Variants in SLC38A6 observed in about 807,000 individuals in gnomAD.
The protein encoded by SLC38A6 is N system amino acid transporter NAT-1.
Under a neutral mutation model 65.0 loss-of-function variants are expected in SLC38A6, and 73 were observed. The ratio of observed to expected loss-of-function variants is 1.12; its 90% confidence interval spans 0.93 to 1.37. The LOEUF (loss-of-function observed/expected upper bound fraction) is 1.37. Ranked by LOEUF, SLC38A6 falls within the 40% of genes most tolerant of loss-of-function variation. SLC38A6 has a pLI of 0.00. For missense variants in SLC38A6, 561 were observed against 531.1 expected (o/e 1.06, Z -0.55); for synonymous variants, 183 against 178.8 (o/e 1.02, Z -0.19).
Position 61,052,351 on chromosome 14 carries a change from A to G in SLC38A6, c.1293A>G (p.Ala431=). Residue 431 remains alanine, a splice_region_variant and synonymous_variant, in exon 16 of 16, where the codon GCA becomes GCG. Coordinates refer to ENST00000267488, the MANE Select transcript of SLC38A6 (RefSeq NM_153811.3). The stretch of plus-strand genomic sequence containing the variant: ...TATCTTTTTTCTTATTTCCACAGGC[A>G]TTCGTTTTGCTCATCTTTGGAATTT... The part of the protein sequence containing the change: ...EDFLSWKKLG[A]FVLLIFGILV... The G allele has an allele frequency of 6.3e-7, 1 of 1,588,134 alleles. No homozygotes were observed. Among genetic ancestry groups the G allele is most frequent in the Non-Finnish European group, 8.6e-7 (1 of 1,169,108 alleles).
At chr14:61,079,675 C>A (rs2043565907) in intron 16 of SLC38A6, among the ~76,000 whole-genome samples, 1 of 152,134 alleles carries the variant, frequency 6.6e-6, no homozygotes, top group South Asian at 2.1e-4. Flanking sequence ...TGTCTAACCA[C>A]CCTGCGACAG....
At chr14:61,082,700 C>A (rs1349679139) in intron 16 of SLC38A6, among the ~76,000 whole-genome samples, 2 of 152,134 alleles carry the variant, frequency 1.3e-5, no homozygotes, top group Non-Finnish European at 2.9e-5. Flanking sequence ...GGTTTCTACC[C>A]CTCTCCTCAA....
At chr14:61,050,768 C>CAAAG (rs1391911565) in intron 13 of SLC38A6, 132 bp downstream of exon 13, 3 of 811,208 alleles carry the variant, frequency 3.7e-6, no homozygotes, top group Non-Finnish European at 5.2e-6. Flanking sequence ...AGTAATTGAT[C>CAAAG]AAAGACTTCA....
At chr14:61,017,128 G>A (rs1363506116) in intron 4 of SLC38A6, among the ~76,000 whole-genome samples, 1 of 151,946 alleles carries the variant, frequency 6.6e-6, no homozygotes, top group Non-Finnish European at 1.5e-5. Context: ...CACAACCTCC[G>A]CCTCCCTGGT....
At chr14:60,987,841 G>A (rs1186828237) in intron 3 of SLC38A6, among the ~76,000 whole-genome samples, 2 of 152,204 alleles carry the variant, frequency 1.3e-5, no homozygotes, top group African/African-American at 2.4e-5. Flanking sequence ...CTCCCTAGTC[G>A]TTGATCCCTA....
chr14:61,028,734 A>G (rs1000697098), intron 5 of SLC38A6, among the ~76,000 whole-genome samples: 4 of 152,292 alleles, frequency 2.6e-5, no homozygotes, highest in African/African-American at 9.6e-5. Context: ...AAAAATATGT[A>G]TATGTATATT....
At chr14:61,017,620 C>CT (rs1413640583) in intron 4 of SLC38A6, among the ~76,000 whole-genome samples, 1 of 152,200 alleles carries the variant, frequency 6.6e-6, no homozygotes, top group African/African-American at 2.4e-5. Context: ...AAACATAACT[C>CT]TAAGTATCAA....
At chr14:61,001,627 G>A (rs2038717960) in intron 3 of SLC38A6, among the ~76,000 whole-genome samples, 1 of 152,038 alleles carries the variant, frequency 6.6e-6, no homozygotes, top group South Asian at 2.1e-4. Flanking sequence ...AAAGAGTTTT[G>A]TTTTTAATTT....
chr14:61,050,622 C>G lies in SLC38A6; in HGVS notation c.1036C>G (p.Leu346Val), dbSNP rs771672533. 78 of 1,570,900 alleles carry G rather than the reference C, an allele frequency of 5.0e-5. No homozygotes were observed. The highest frequency in any genetic ancestry group is 9.4e-5 in the African/African-American group (7 of 74,264). Residue 346 changes from leucine (L) to valine (V), a missense_variant, in exon 13 of 16, where the codon CTA becomes GTA. Leu to Val is a conservative substitution (Grantham distance 32). Coordinates refer to ENST00000267488, the MANE Select transcript of SLC38A6 (RefSeq NM_153811.3). Reference protein sequence around the residue: ...ILFAVLLTVPLIHFPARKAVT... With the variant: ...ILFAVLLTVPVIHFPARKAVT... The stretch of plus-strand genomic sequence containing the variant: ...ATTTGCTGTGCTTTTGACAGTCCCT[C>G]TAATCCACTTCCCTGTAAGTACTCT...
chr14:61,047,350 T>A (rs984315101), intron 12 of SLC38A6, among the ~76,000 whole-genome samples: 10 of 152,174 alleles, frequency 6.6e-5, no homozygotes, highest in African/African-American at 2.4e-4. Context: ...TGGAAGCTAA[T>A]ACATTTATTG....
chr14:61,030,737 T>C (rs1406026358), intron 6 of SLC38A6: 4 of 406,832 alleles, frequency 9.8e-6, no homozygotes, highest in African/African-American at 8.3e-5. Flanking sequence ...CTGTGAACCA[T>C]ATGAAGCACC....
intron 8 of SLC38A6, among the ~76,000 whole-genome samples, chr14:61,041,673 C>T (rs141450795): frequency 2.3e-3 from 347 of 152,208 alleles, no homozygotes; most frequent in African/African-American, 7.9e-3. Flanking sequence ...CTGGGACAGG[C>T]GGATTACTTG....
At chr14:61,072,882 T>A (rs2043276892) in intron 15 of SLC38A6, among the ~76,000 whole-genome samples, 1 of 152,198 alleles carries the variant, frequency 6.6e-6, no homozygotes, top group Non-Finnish European at 1.5e-5. Context: ...TTCTTTCTTT[T>A]GGGTATACAC....
chr14:61,074,026 A>G (rs771238215), intron 15 of SLC38A6: 1 of 152,178 alleles, frequency 6.6e-6, no homozygotes, highest in Non-Finnish European at 1.5e-5. Flanking sequence ...ATAGTATATA[A>G]TACAAATAAC....
At chr14:61,038,683 A>G (rs182902792) in intron 8 of SLC38A6, among the ~76,000 whole-genome samples, 1 of 152,318 alleles carries the variant, frequency 6.6e-6, no homozygotes, top group East Asian at 1.9e-4. Context: ...ACAGGGATAA[A>G]ATAACTTTAA....
At chr14:61,079,389 A>T (rs1356519402) in intron 16 of SLC38A6, among the ~76,000 whole-genome samples, 1 of 151,928 alleles carries the variant, frequency 6.6e-6, no homozygotes, top group Non-Finnish European at 1.5e-5. Context: ...TACCCACCTC[A>T]GCCTCCCAGA....
At chr14:61,069,087 A>C (rs1256190868) in intron 15 of SLC38A6, among the ~76,000 whole-genome samples, 1 of 152,186 alleles carries the variant, frequency 6.6e-6, no homozygotes, top group Non-Finnish European at 1.5e-5. Flanking sequence ...TACCACATGC[A>C]GGTTCCACCC....
chr14:61,029,424 T>C (rs1196836659), intron 5 of SLC38A6, among the ~76,000 whole-genome samples: 2 of 152,036 alleles, frequency 1.3e-5, no homozygotes, highest in East Asian at 2.0e-4. Context: ...CAAACACTCT[T>C]TGTTCTTCAT....
downstream of SLC38A6, chr14:61,052,708 G>C (rs1022321445): frequency 1.7e-5 from 4 of 233,604 alleles, no homozygotes; most frequent in Non-Finnish European, 3.1e-5. Flanking sequence ...TGAACAGAAA[G>C]TACAGAGTTC....
Sources: gnomAD v4.1 joint callset for allele counts (sites outside exome capture counted in the v4.1 genomes callset) on GRCh38, gnomAD v4.1.1 for gene constraint, MANE v1.5 for transcripts, NCBI Gene and HGNC (gene_info 2026-07-23, HGNC 2026-07-21) for gene names.